EIF2AK1: variants seen among roughly 807,000 people sequenced by gnomAD.
The protein encoded by EIF2AK1 is eukaryotic translation initiation factor 2-alpha kinase 1.
EIF2AK1 carries 54 observed loss-of-function variants against 77.9 expected under a neutral mutation model. The ratio of observed to expected loss-of-function variants is 0.69; its 90% CI spans 0.56 to 0.87. The LOEUF is 0.87. Among genes scored for constraint, EIF2AK1 ranks in the 40% least tolerant of loss-of-function variants. The pLI is 0.00. For missense variants in EIF2AK1, 810 were observed against 768.6 expected (o/e 1.05, Z -0.64); for synonymous variants, 314 against 290.5 (o/e 1.08, Z -0.82).
intron 11 of EIF2AK1, chr7:6,031,618 C>A: frequency 6.5e-7 from 1 of 1,548,528 alleles, no homozygotes. Context: ...TCAGTCACTT[C>A]TGGAAAAAAG....
In EIF2AK1 at chr7:6,032,343, C is replaced by T. The variant is rs1414976862; in HGVS notation, c.1333-3311G>A. The stretch of plus-strand genomic sequence containing the variant: ...CCACGGTGTGAAACCACTACTTACA[C>T]GTGTGTATTTTAAGAGCTGGCACAA... On this transcript the variant is annotated intron_variant, in intron 11 of 14. Transcript: ENST00000199389. The surrounding 1 kb of genome is among the most constrained non-coding windows in gnomAD (Gnocchi z 4.3). 6.6e-6 allele frequency among the ~76,000 whole-genome samples: 1 copy of T among 152,208 alleles called. No homozygotes were observed. The highest frequency in any genetic ancestry group is 6.5e-5 in the Admixed American group (1 of 15,284).
At chr7:6,055,117 T>C (rs1371306663) in intron 1 of EIF2AK1, among the ~76,000 whole-genome samples, 1 of 151,750 alleles carries the variant, frequency 6.6e-6, no homozygotes, top group African/African-American at 2.4e-5. Context: ...CTGAGGCCAG[T>C]GGATCACCTG....
intron 11 of EIF2AK1, among the ~76,000 whole-genome samples, chr7:6,029,990 A>C (rs767921638): frequency 6.6e-6 from 1 of 152,204 alleles, no homozygotes; most frequent in African/African-American, 2.4e-5. Flanking sequence ...AAAAAAAAGA[A>C]AAGAAAAGAA....
chr7:6,027,065 G>T lies in EIF2AK1; in HGVS notation c.1531-104C>A. On this transcript the variant is annotated intron_variant, in intron 13 of 14. Transcript: ENST00000199389. This position sits in a 1 kb window ranked among gnomAD's most constrained non-coding sequence, Gnocchi z 4.5. ...CAAACAGGAGAGGGTTTCTAAGAATGAGGATATACGGTCACCCACAAGGAA... is the reference window on the plus strand; with the variant it reads ...CAAACAGGAGAGGGTTTCTAAGAATTAGGATATACGGTCACCCACAAGGAA... 1.1e-6 allele frequency: 1 copy of T among 911,312 alleles called. No homozygotes were observed. The highest frequency in any genetic ancestry group is 1.7e-6 in the Non-Finnish European group (1 of 576,618). 56.5% of individuals were successfully genotyped at this position (911,312 alleles called of 1,614,324 possible).
chr7:6,041,661 G>T (rs1187412560), intron 8 of EIF2AK1, among the ~76,000 whole-genome samples: 1 of 151,878 alleles, frequency 6.6e-6, no homozygotes, highest in East Asian at 1.9e-4. Context: ...CCAATATGGT[G>T]AAACGCCATC....
chr7:6,032,732 C>A lies in EIF2AK1; in HGVS notation c.1333-3700G>T. 3.6e-6 allele frequency: 3 copies of A among 842,590 alleles called. No homozygotes were observed. Among genetic ancestry groups the A allele is most frequent in the Non-Finnish European group, 5.6e-6 (3 of 538,682 alleles). The allele number at this position is 842,590 out of a possible 1,614,324, so 52.2% of individuals were successfully genotyped here. Reference sequence around the variant, plus strand: ...TGCACATACCAGAAAAAGAGTGAGCCAATGAGACACTAAATAAATGTATTG... The same window carrying A: ...TGCACATACCAGAAAAAGAGTGAGCAAATGAGACACTAAATAAATGTATTG... On this transcript the variant is annotated intron_variant, in intron 11 of 14. Transcript: ENST00000199389. This position sits in a 1 kb window ranked among gnomAD's most constrained non-coding sequence, Gnocchi z 4.3.
At position 6,049,542 on chromosome 7, in the gene EIF2AK1, C is replaced by G. The variant is rs186991211; in HGVS notation, c.411+370G>C. ...CAGATGACAGTGCGAGACTCTGTCT[C>G]AAAACGAAACAAAACAAAACAAAAA... is the stretch of plus-strand genomic sequence containing the variant. On this transcript the variant is annotated intron_variant, in intron 3 of 14. Transcript: ENST00000199389. 3.3e-5 allele frequency among the ~76,000 whole-genome samples: 5 copies of G among 151,530 alleles called. No homozygotes were observed. In the East Asian group the frequency reaches 9.7e-4, roughly 29 times the overall value.
intron 11 of EIF2AK1, chr7:6,031,626 A>C (rs1292373370): frequency 3.9e-6 from 6 of 1,544,440 alleles, no homozygotes; most frequent in Non-Finnish European, 5.3e-6. Flanking sequence ...TTCTGGAAAA[A>C]AGTCAGGCTG....
At chr7:6,038,956 C>G (rs1281934916) in intron 9 of EIF2AK1, among the ~76,000 whole-genome samples, 3 of 152,086 alleles carry the variant, frequency 2.0e-5, no homozygotes, top group African/African-American at 7.2e-5. Context: ...GGCAGGGGTC[C>G]AATGGCAGAA....
At chr7:6,058,065 C>G in intron 1 of EIF2AK1, 1 of 448,256 alleles carries the variant, frequency 2.2e-6, no homozygotes, top group South Asian at 1.6e-5. Context: ...ATCTCTTACT[C>G]TATGCTAAGT....
Position 6,047,075 on chromosome 7 carries a change from A to G in EIF2AK1, c.466T>C (p.Leu156=). The G allele has an allele frequency of 6.2e-7, 1 of 1,612,900 alleles. No individual in the cohort carries two copies. The highest frequency in any genetic ancestry group is 8.5e-7 in the Non-Finnish European group (1 of 1,179,702). Residue 156 remains leucine, a synonymous_variant, in exon 5 of 15, where the codon TTG becomes CTG. Coordinates refer to ENST00000199389, the MANE Select transcript of EIF2AK1 (RefSeq NM_014413.4). The part of the protein sequence containing the change: ...IQKIRSREVA[L]EAQTSRYLNE... The stretch of plus-strand genomic sequence containing the variant: ...AAGTAACGTGAAGTTTGTGCTTCCA[A>G]GGCTACTTCCCTTGATCTGAAAGTT...
chr7:6,057,390 G>C (rs1336300810), intron 1 of EIF2AK1: 7 of 151,558 alleles, frequency 4.6e-5, no homozygotes, highest in Non-Finnish European at 1.0e-4. Flanking sequence ...GGAATAACTT[G>C]TAGCTTTAAA....
At position 6,035,845 on chromosome 7, in the gene EIF2AK1, T is replaced by C. The variant is rs1001401875; in HGVS notation, c.1332+1579A>G. On this transcript the variant is annotated intron_variant, in intron 11 of 14. Transcript: ENST00000199389. This position sits in a 1 kb window ranked among gnomAD's most constrained non-coding sequence, Gnocchi z 5.5. ...GTCTCTTCCACGGGGAACACGCCCC[T>C]GAAGCTTGCAGTGTGCACTGCATCA... is the stretch of plus-strand genomic sequence containing the variant. 1 of 1,548,332 alleles carries C rather than the reference T, an allele frequency of 6.5e-7. No individual in the cohort carries two copies. The highest frequency in any genetic ancestry group is 8.7e-7 in the Non-Finnish European group (1 of 1,145,324).
Position 6,040,905 on chromosome 7 carries a change from A to G in EIF2AK1, c.1106T>C (p.Leu369Ser), listed in dbSNP as rs1321334761. 1 of 1,613,948 alleles carries G rather than the reference A, an allele frequency of 6.2e-7. No homozygotes were observed. ...EESSEENVNF[L>S]GQTEAQYHLM... ...AAAGTAATCTACCTCTGTCTGACCC[A>G]AAAAGTTGACATTTTCTTCGGAAGA... is the stretch of plus-strand genomic sequence containing the variant. The change falls in exon 9 of 15, where the codon TTG becomes TCG. Residue 369 changes from leucine (L) to serine (S), a missense_variant. Physicochemically the swap from Leu to Ser is moderately radical, Grantham distance 145 (BLOSUM62 -2). Coordinates refer to ENST00000199389, the MANE Select transcript of EIF2AK1 (RefSeq NM_014413.4).
At position 6,037,460 on chromosome 7, in the gene EIF2AK1, G is replaced by A. The variant is rs774402534; in HGVS notation, c.1296C>T (p.Tyr432=). The A allele has an allele frequency of 5.0e-6, 8 of 1,612,338 alleles. No individual in the cohort carries two copies. The East Asian group carries it at 1.6e-4, about 31-fold the overall frequency. Residue 432 remains tyrosine, a synonymous_variant, in exon 11 of 15, where the codon TAC becomes TAT. Transcript: ENST00000199389. ...GGTGCACAATTCCCATGTTATGTAT[G>A]TAAAACACACCTTCTACCAATTCTT... ...IFQELVEGVF[Y]IHNMGIVHRD...
intron 11 of EIF2AK1, among the ~76,000 whole-genome samples, chr7:6,030,224 G>C (rs574768525): frequency 6.6e-6 from 1 of 152,088 alleles, no homozygotes; most frequent in Non-Finnish European, 1.5e-5. Flanking sequence ...AAACTTAAGC[G>C]GGAAAGGGAC....
chr7:6,036,446 GCTA>G lies in EIF2AK1; in HGVS notation c.1332+975_1332+977del. 7.9e-7 allele frequency: 1 copy of G among 1,263,760 alleles called. No individual in the cohort carries two copies. The highest frequency in any genetic ancestry group is 1.1e-6 in the Non-Finnish European group (1 of 951,756). 78.3% of individuals were successfully genotyped at this position (1,263,760 alleles called of 1,614,324 possible). A position where few individuals can be genotyped will look rare whatever the true frequency, so the allele number is the denominator to read the frequency against. ...TCAGCCACTCAAACTGCATTTTCTG[GCTA>G]GACATGTCCCAGAAAATGCTTCACC... On this transcript the variant is annotated intron_variant, in intron 11 of 14. Transcript: ENST00000199389. This position sits in a 1 kb window ranked among gnomAD's most constrained non-coding sequence, Gnocchi z 4.6.
chr7:6,057,028 C>T (rs1460088578), intron 1 of EIF2AK1, among the ~76,000 whole-genome samples: 3 of 151,854 alleles, frequency 2.0e-5, no homozygotes, highest in Non-Finnish European at 4.4e-5. Flanking sequence ...CACAGTGGCT[C>T]ACGCCTACAA....
chr7:6,051,268 T>G (rs185519629), intron 2 of EIF2AK1, among the ~76,000 whole-genome samples: 61 of 148,620 alleles, frequency 4.1e-4, no homozygotes, highest in African/African-American at 1.4e-3. Context: ...CATTTTTTTT[T>G]CTTTCTTTTT....
Sources: allele counts gnomAD v4.1 joint callset (sites outside exome capture counted in the v4.1 genomes callset), GRCh38; gene constraint gnomAD v4.1.1; non-coding constraint Gnocchi (gnomAD v3.1); transcripts MANE v1.5; gene names NCBI Gene and HGNC (gene_info 2026-07-23, HGNC 2026-07-21).